MGAT4C: variants seen among roughly 807,000 people sequenced by gnomAD.
MGAT4C encodes the protein MGAT4 family member C.
A neutral mutation model predicts 40.1 loss-of-function variants in MGAT4C; 19 were observed. The ratio of observed to expected loss-of-function variants is 0.47; its 90% CI spans 0.33 to 0.70. The LOEUF (loss-of-function observed/expected upper bound fraction) is 0.70, where lower values mean the gene tolerates loss of function less well. Ranked by LOEUF, MGAT4C falls within the 30% of genes least tolerant of loss-of-function variation. MGAT4C has a pLI of 0.02. For synonymous variants in MGAT4C, 181 were observed against 187.1 expected (o/e 0.97, Z 0.27); for missense variants, 491 against 563.2 (o/e 0.87, Z 1.30).
At chr12:86,050,126 A>G (rs1251066965) in intron 1 of MGAT4C, among the ~76,000 whole-genome samples, 2 of 152,008 alleles carry the variant, frequency 1.3e-5, no homozygotes, top group Non-Finnish European at 2.9e-5. Flanking sequence ...TTCAGTCCGT[A>G]TCACTGAACT....
intron 1 of MGAT4C, among the ~76,000 whole-genome samples, chr12:86,203,971 A>AGATATATATATATATATATATAT (rs1950151256): frequency 7.6e-6 from 1 of 131,746 alleles, no homozygotes; most frequent in Non-Finnish European, 1.8e-5. Context: ...AAAAAAAAAA[A>AGATATATATATATATATATATAT]AGAAATATAT....
At chr12:86,502,653 TGATTTCTGCTCATATATATACAC>T (rs1958371336) in intron 2 of MGAT4C, among the ~76,000 whole-genome samples, 1 of 144,042 alleles carries the variant, frequency 6.9e-6, no homozygotes, top group Non-Finnish European at 1.5e-5. Context: ...TATATATACA[TGATTTCTGCTCATATATATACAC>T]GAGTTCTGCT....
At position 86,044,573 on chromosome 12, in the gene MGAT4C, G is replaced by C. The variant is rs183963956; in HGVS notation, c.-7+5101C>G. ...GTGGGGTGAGTGACAGTGGGCAAGT[G>C]AGTGCTGGCAAAGCAGCATGGGGGA... On this transcript the variant is annotated intron_variant, in intron 2 of 4. Transcript: ENST00000611864. Among the ~76,000 whole-genome samples the C allele has an allele frequency of 5.9e-5, 9 of 152,266 alleles. No homozygotes were observed. The East Asian group carries it at 9.7e-4, about 16-fold the overall frequency.
intron 1 of MGAT4C, among the ~76,000 whole-genome samples, chr12:86,218,491 T>C (rs757471903): frequency 3.9e-5 from 6 of 152,208 alleles, no homozygotes; most frequent in Non-Finnish European, 5.9e-5. Context: ...TTATTTGATA[T>C]ATTAAATTAT....
chr12:86,222,325 T>C (rs1235744450), intron 1 of MGAT4C, among the ~76,000 whole-genome samples: 2 of 152,228 alleles, frequency 1.3e-5, no homozygotes, highest in Non-Finnish European at 2.9e-5. Flanking sequence ...AACTAAACAA[T>C]GAGCTTTAGT....
At chr12:86,615,208 G>A (rs778793009) in intron 2 of MGAT4C, among the ~76,000 whole-genome samples, 15 of 151,912 alleles carry the variant, frequency 9.9e-5, no homozygotes, top group Non-Finnish European at 1.6e-4. Context: ...GGATAATCAA[G>A]TCACTTCTAA....
chr12:86,679,805 G>A (rs1949948254), intron 2 of MGAT4C, among the ~76,000 whole-genome samples: 1 of 152,184 alleles, frequency 6.6e-6, no homozygotes, highest in African/African-American at 2.4e-5. Context: ...CTCCACAACT[G>A]TAAGGAATAC....
intron 2 of MGAT4C, among the ~76,000 whole-genome samples, chr12:86,490,662 C>A (rs1378945515): frequency 1.3e-5 from 2 of 151,932 alleles, no homozygotes; most frequent in East Asian, 3.9e-4. Flanking sequence ...CATCAGTGTG[C>A]TGTATTCAGG....
At chr12:86,029,545 A>C (rs1160557620) in intron 2 of MGAT4C, among the ~76,000 whole-genome samples, 2 of 151,994 alleles carry the variant, frequency 1.3e-5, no homozygotes, top group African/African-American at 4.8e-5. Flanking sequence ...TCCTGCCTTA[A>C]AGAAAATGTC....
At position 86,423,175 on chromosome 12, in the gene MGAT4C, A is replaced by G. The variant is rs12296688; in HGVS notation, c.-120+11982T>C. Among the ~76,000 whole-genome samples the G allele has an allele frequency of 7.2e-3, 1,093 of 152,232 alleles. 18 individuals carry two copies. The highest frequency in any genetic ancestry group is 0.025 in the African/African-American group (1,050 of 41,536). ...ATTTTATTATATTACTTAGTTAATG[A>G]ATGTTTTAAGACTAAAAAAAGTTTC... On this transcript the variant is annotated intron_variant, in intron 3 of 7. Transcript: ENST00000548651.
At chr12:86,164,655 G>T (rs563441265) in intron 1 of MGAT4C, among the ~76,000 whole-genome samples, 1 of 152,254 alleles carries the variant, frequency 6.6e-6, no homozygotes, top group Admixed American at 6.5e-5. Context: ...TGAATAAAAA[G>T]ATTAGGGCAG....
chr12:86,110,273 T>TATAC (rs1877047466), intron 1 of MGAT4C, among the ~76,000 whole-genome samples: 1 of 75,162 alleles, frequency 1.3e-5, no homozygotes, highest in Non-Finnish European at 2.4e-5. Context: ...ATAGACTATA[T>TATAC]ATATAGTCTA....
intron 2 of MGAT4C, among the ~76,000 whole-genome samples, chr12:86,509,248 G>A (rs1459174321): frequency 2.0e-5 from 3 of 152,108 alleles, no homozygotes; most frequent in South Asian, 2.1e-4. Flanking sequence ...TAAGGTGTGA[G>A]GAAGGCATCC....
At chr12:86,043,371 C>T (rs1370045746) in intron 2 of MGAT4C, among the ~76,000 whole-genome samples, 1 of 152,162 alleles carries the variant, frequency 6.6e-6, no homozygotes, top group East Asian at 1.9e-4. Context: ...GGCCTGATAG[C>T]CCCTGGCAAA....
chr12:86,412,598 A>G (rs565349238), intron 3 of MGAT4C, among the ~76,000 whole-genome samples: 1 of 152,044 alleles, frequency 6.6e-6, no homozygotes, highest in Non-Finnish European at 1.5e-5. Flanking sequence ...GAAGTAACTA[A>G]ATTATTTTGA....
At chr12:86,662,915 C>T (rs1282192655) in intron 2 of MGAT4C, among the ~76,000 whole-genome samples, 1 of 152,126 alleles carries the variant, frequency 6.6e-6, no homozygotes, top group Non-Finnish European at 1.5e-5. Flanking sequence ...CTTCAAATCA[C>T]CTGAAAGTCA....
intron 3 of MGAT4C, among the ~76,000 whole-genome samples, chr12:86,344,756 A>ATGTGTG (rs375136362): frequency 0.011 from 1,067 of 96,422 alleles, 4 homozygotes; most frequent in Non-Finnish European, 0.014. Context: ...GTGTGTGTGT[A>ATGTGTG]TGTGTGTGTG....
At chr12:86,593,406 C>T (rs1961411210) in intron 2 of MGAT4C, among the ~76,000 whole-genome samples, 1 of 151,958 alleles carries the variant, frequency 6.6e-6, no homozygotes, top group African/African-American at 2.4e-5. Context: ...ATTTTCTACT[C>T]TCTGCTAGCT....
intron 1 of MGAT4C, among the ~76,000 whole-genome samples, chr12:86,113,382 C>T (rs767841987): frequency 2.6e-5 from 4 of 151,686 alleles, no homozygotes; most frequent in Non-Finnish European, 5.9e-5. Context: ...GATTATTAGG[C>T]ATAAACAATC....
Sources: gnomAD v4.1 joint callset for allele counts (sites outside exome capture counted in the v4.1 genomes callset) on GRCh38, gnomAD v4.1.1 for gene constraint, MANE v1.5 for transcripts, NCBI Gene and HGNC (gene_info 2026-07-23, HGNC 2026-07-21) for gene names.